Variants in TMTC1 observed in about 807,000 individuals in gnomAD.
TMTC1 encodes transmembrane O-mannosyltransferase targeting cadherins 1, also known as protein O-mannosyl-transferase TMTC1.
TMTC1 carries 73 observed loss-of-function variants against 104.8 expected under a neutral mutation model. The ratio of observed to expected loss-of-function variants is 0.70; its 90% CI spans 0.58 to 0.85. TMTC1 has a LOEUF of 0.85. Among genes scored for constraint, TMTC1 ranks in the 40% least tolerant of loss-of-function variants. The probability of loss-of-function intolerance (pLI) is 0.00; values close to 1 mark genes in which losing one functional copy is unlikely to be tolerated. For synonymous variants in TMTC1, 434 were observed against 428.7 expected, an observed-to-expected ratio of 1.01 and a Z score of -0.15; for missense variants, 1,035 against 1,096.1, an observed-to-expected ratio of 0.94 and a Z score of 0.79.
chr12:29,596,587 A>C (rs1946410857), intron 7 of TMTC1, among the ~76,000 whole-genome samples: 1 of 152,210 alleles, frequency 6.6e-6, no homozygotes, highest in African/African-American at 2.4e-5. Context: ...TTATTTAGCC[A>C]ACCCATATGT....
At chr12:29,710,487 C>A (rs1941870002) in intron 5 of TMTC1, among the ~76,000 whole-genome samples, 1 of 148,734 alleles carries the variant, frequency 6.7e-6, no homozygotes, top group East Asian at 2.0e-4. Context: ...TCTACCTGAA[C>A]CTTTAGAAGA....
At chr12:29,589,041 T>C (rs1946213377) in intron 7 of TMTC1, among the ~76,000 whole-genome samples, 1 of 152,218 alleles carries the variant, frequency 6.6e-6, no homozygotes, top group Admixed American at 6.5e-5. Context: ...AGCAGTTAGC[T>C]ACAGATAAAA....
At chr12:29,593,572 C>T (rs1946336566) in intron 7 of TMTC1, among the ~76,000 whole-genome samples, 1 of 152,194 alleles carries the variant, frequency 6.6e-6, no homozygotes, top group Non-Finnish European at 1.5e-5. Context: ...GTAAGATACA[C>T]TGGTAGTATG....
intron 10 of TMTC1, among the ~76,000 whole-genome samples, chr12:29,552,481 T>C (rs1236795744): frequency 2.6e-5 from 4 of 152,228 alleles, no homozygotes; most frequent in Non-Finnish European, 5.9e-5. Flanking sequence ...CTCTCATTTC[T>C]ACTGGGCAGT....
intron 6 of TMTC1, among the ~76,000 whole-genome samples, chr12:29,620,533 A>T (rs370654358): frequency 1.3e-5 from 2 of 152,364 alleles, no homozygotes; most frequent in East Asian, 3.9e-4. Flanking sequence ...TACAGTATGT[A>T]TCACATATGG....
chr12:29,633,293 G>T lies in TMTC1; in HGVS notation c.982C>A (p.Leu328Met). ...TAGCACAGGGTCACGGGTGCAAGCA[G>T]AAGCCACACATTGAAGGCCAAGAGG... ...SYLLAFNVWLLLAPVTLCYDW... is the reference protein window; with the variant it reads ...SYLLAFNVWLMLAPVTLCYDW... The change falls in exon 6 of 18, where the codon CTG becomes ATG. Residue 328 changes from leucine (L) to methionine (M), a missense_variant. Coordinates refer to ENST00000539277, the MANE Select transcript of TMTC1 (RefSeq NM_001193451.2). 6.2e-7 allele frequency: 1 copy of T among 1,613,776 alleles called. No individual in the cohort carries two copies. The highest frequency in any genetic ancestry group is 8.5e-7 in the Non-Finnish European group (1 of 1,179,838).
chr12:29,689,639 A>G (rs11050376), intron 5 of TMTC1, among the ~76,000 whole-genome samples: 21,068 of 152,222 alleles, frequency 0.14, 1,745 homozygotes, highest in East Asian at 0.34. Flanking sequence ...CGGAGGCACA[A>G]AGATTTTTAA....
intron 10 of TMTC1, among the ~76,000 whole-genome samples, chr12:29,536,682 T>A (rs1223281958): frequency 6.6e-6 from 1 of 152,206 alleles, no homozygotes; most frequent in Non-Finnish European, 1.5e-5. Context: ...AGAGCCAATT[T>A]ACAATGATGT....
intron 5 of TMTC1, among the ~76,000 whole-genome samples, chr12:29,713,005 G>T (rs1331030001): frequency 6.6e-6 from 1 of 152,040 alleles, no homozygotes; most frequent in Non-Finnish European, 1.5e-5. Flanking sequence ...CTAACATTTA[G>T]ATCAGTAGAT....
intron 5 of TMTC1, among the ~76,000 whole-genome samples, chr12:29,712,864 C>A (rs1010064875): frequency 6.6e-6 from 1 of 152,166 alleles, no homozygotes; most frequent in Non-Finnish European, 1.5e-5. Flanking sequence ...GGTCTACCTT[C>A]AACTTGAATG....
chr12:29,670,103 A>G (rs1397913908), intron 5 of TMTC1, among the ~76,000 whole-genome samples: 1 of 152,260 alleles, frequency 6.6e-6, no homozygotes, highest in African/African-American at 2.4e-5. Context: ...TGCAATACAC[A>G]TTTGTGTAAG....
chr12:29,710,735 G>A (rs1361011606), intron 5 of TMTC1, among the ~76,000 whole-genome samples: 11 of 124,478 alleles, frequency 8.8e-5, no homozygotes, highest in East Asian at 8.8e-4. Context: ...ATTATTAAAC[G>A]TATTTATATT....
chr12:29,538,967 A>ACAT (rs1248138440), intron 10 of TMTC1, among the ~76,000 whole-genome samples: 1 of 152,216 alleles, frequency 6.6e-6, no homozygotes, highest in Admixed American at 6.5e-5. Flanking sequence ...AGGCTAACAG[A>ACAT]CATCACATGC....
intron 9 of TMTC1, among the ~76,000 whole-genome samples, chr12:29,571,115 G>A (rs762130537): frequency 6.6e-5 from 10 of 152,088 alleles, no homozygotes; most frequent in African/African-American, 9.7e-5. Context: ...ATCCCAAAGT[G>A]AAACCGTTTC....
intron 5 of TMTC1, among the ~76,000 whole-genome samples, chr12:29,705,474 C>G (rs1259948350): frequency 6.6e-6 from 1 of 152,064 alleles, no homozygotes; most frequent in Non-Finnish European, 1.5e-5. Flanking sequence ...CCATCTATAC[C>G]AGGAAAAGGA....
At chr12:29,763,500 G>T (rs1309677612) in intron 2 of TMTC1, among the ~76,000 whole-genome samples, 2 of 152,188 alleles carry the variant, frequency 1.3e-5, no homozygotes, top group Non-Finnish European at 2.9e-5. Flanking sequence ...TTTTCCAAGT[G>T]CTTCCTCTTA....
intron 5 of TMTC1, among the ~76,000 whole-genome samples, chr12:29,649,671 G>C (rs1270884236): frequency 6.6e-6 from 1 of 152,178 alleles, no homozygotes; most frequent in Non-Finnish European, 1.5e-5. Context: ...GAAACATTTT[G>C]CTGTTTTTAT....
At chr12:29,697,704 AG>A (rs1292743676) in intron 5 of TMTC1, among the ~76,000 whole-genome samples, 1 of 152,150 alleles carries the variant, frequency 6.6e-6, no homozygotes, top group Non-Finnish European at 1.5e-5. Context: ...GTGTGAAGGC[AG>A]GAAGAGCTGA....
In TMTC1 at chr12:29,505,979, T is replaced by A. The variant is rs759411001; in HGVS notation, c.*867A>T. The A allele has an allele frequency of 1.3e-5, 2 of 152,180 alleles. No homozygotes were observed. The highest frequency in any genetic ancestry group is 2.9e-5 in the Non-Finnish European group (2 of 68,014). The allele number at this position is 152,180 out of a possible 1,614,324, so 9.4% of individuals were successfully genotyped here. A position where few individuals can be genotyped will look rare whatever the true frequency, so the allele number is the denominator to read the frequency against. ...CATTAAGATAATAAAGTAGGACATT[T>A]CTCTTAGTTAATATCTTTAATTTTT... On this transcript the variant is annotated 3_prime_UTR_variant, in exon 18 of 18. Transcript: ENST00000539277.
Sources: allele counts gnomAD v4.1 joint callset (sites outside exome capture counted in the v4.1 genomes callset), GRCh38; gene constraint gnomAD v4.1.1; transcripts MANE v1.5; gene names NCBI Gene and HGNC (gene_info 2026-07-23, HGNC 2026-07-21).